LRFN5: variants seen among roughly 807,000 people sequenced by gnomAD.
LRFN5 encodes leucine-rich repeat and fibronectin type-III domain-containing protein 5.
Under a neutral mutation model 45.6 loss-of-function variants are expected in LRFN5, and 24 were observed. The observed-to-expected ratio is 0.53, with a 90% CI of 0.38 to 0.74. LRFN5 has a LOEUF of 0.74. LRFN5 is among the 30% of genes least tolerant of loss of function. The probability of loss-of-function intolerance (pLI) is 0.00; values close to 1 mark genes in which losing one functional copy is unlikely to be tolerated. For synonymous variants in LRFN5, 340 were observed against 313.8 expected, an observed-to-expected ratio of 1.08 and a Z score of -0.88; for missense variants, 776 against 861.5, an observed-to-expected ratio of 0.90 and a Z score of 1.24.
intron 2 of LRFN5, among the ~76,000 whole-genome samples, chr14:41,844,359 C>T (rs184823408): frequency 6.6e-6 from 1 of 151,530 alleles, no homozygotes; most frequent in Non-Finnish European, 1.5e-5. Flanking sequence ...ATGGCGTGAA[C>T]CCAGGAGGCA....
chr14:41,767,303 C>T (rs1360320057), intron 2 of LRFN5, among the ~76,000 whole-genome samples: 3 of 151,738 alleles, frequency 2.0e-5, no homozygotes, highest in Admixed American at 6.6e-5. Context: ...TTTATACTTA[C>T]AACCCTAAGG....
At chr14:41,824,527 C>T (rs1317791378) in intron 2 of LRFN5, among the ~76,000 whole-genome samples, 21 of 152,106 alleles carry the variant, frequency 1.4e-4, no homozygotes, top group Admixed American at 6.5e-5. Flanking sequence ...ACTGAGATTG[C>T]GGAGCTCAGG....
intron 1 of LRFN5, among the ~76,000 whole-genome samples, chr14:41,666,960 A>G (rs940830390): frequency 6.6e-6 from 1 of 152,160 alleles, no homozygotes; most frequent in African/African-American, 2.4e-5. Context: ...ATGATTATAC[A>G]ACGTTATAGA....
At chr14:41,654,699 T>TATC (rs1222965126) in intron 1 of LRFN5, among the ~76,000 whole-genome samples, 1 of 152,094 alleles carries the variant, frequency 6.6e-6, no homozygotes, top group Non-Finnish European at 1.5e-5. Context: ...AGAGATAATT[T>TATC]ATCATTAGCT....
At chr14:41,649,014 C>G (rs1879955094) in intron 1 of LRFN5, among the ~76,000 whole-genome samples, 1 of 152,016 alleles carries the variant, frequency 6.6e-6, no homozygotes, top group Admixed American at 6.6e-5. Context: ...TGCGGATCAC[C>G]TGAGGTCAGG....
In LRFN5 at chr14:41,891,604, C is replaced by T; in HGVS notation, c.1740C>T (p.Gly580=). The change falls in exon 4 of 6, where the codon GGC becomes GGT. Residue 580 remains glycine, a synonymous_variant. Transcript: ENST00000298119. ...AAACTAACGGGGCTCAAATACAAGG[C>T]TGTAGTGTAACGCTGCCCCAGTCCG... ...YSQTNGAQIQ[G]CSVTLPQSVS... The T allele has an allele frequency of 6.2e-7, 1 of 1,614,186 alleles. No homozygotes were observed. The highest frequency in any genetic ancestry group is 8.5e-7 in the Non-Finnish European group (1 of 1,180,026).
chr14:41,628,937 C>T (rs2138574699), intron 1 of LRFN5, among the ~76,000 whole-genome samples: 1 of 152,134 alleles, frequency 6.6e-6, no homozygotes. Context: ...CTGTTTATGT[C>T]GAATCTACCT....
intron 2 of LRFN5, among the ~76,000 whole-genome samples, chr14:41,808,645 A>G (rs927801015): frequency 4.6e-5 from 7 of 152,060 alleles, no homozygotes; most frequent in African/African-American, 1.7e-4. Context: ...TAGTGTACCC[A>G]ATTGTGGCCA....
At chr14:41,676,716 T>C (rs1393036033) in intron 1 of LRFN5, among the ~76,000 whole-genome samples, 1 of 152,068 alleles carries the variant, frequency 6.6e-6, no homozygotes, top group Non-Finnish European at 1.5e-5. Context: ...GACCTATAAA[T>C]ATGGGGCAAA....
chr14:41,894,234 A>G (rs75154687), intron 4 of LRFN5: 20 of 984,242 alleles, frequency 2.0e-5, no homozygotes, highest in Non-Finnish European at 2.3e-5. Context: ...CATATGTACT[A>G]TAAGTTACTG....
At chr14:41,656,146 G>A (rs1234912172) in intron 1 of LRFN5, among the ~76,000 whole-genome samples, 3 of 151,986 alleles carry the variant, frequency 2.0e-5, no homozygotes, top group Admixed American at 6.6e-5. Context: ...CACTTACTGC[G>A]TAGCTATGGG....
At chr14:41,895,798 G>A (rs1890920097) in intron 4 of LRFN5, among the ~76,000 whole-genome samples, 1 of 151,046 alleles carries the variant, frequency 6.6e-6, no homozygotes, top group African/African-American at 2.4e-5. Context: ...CTGCTTTGTA[G>A]ATATATTTTA....
intron 1 of LRFN5, among the ~76,000 whole-genome samples, chr14:41,692,939 A>T (rs1374422807): frequency 6.6e-6 from 1 of 152,032 alleles, no homozygotes; most frequent in African/African-American, 2.4e-5. Flanking sequence ...GTTAAAGTTT[A>T]CTTTTTTTTC....
Position 41,885,912 on chromosome 14 carries a change from G to A in LRFN5, c.-20-694G>A, listed in dbSNP as rs1039015801. Reference sequence around the variant, plus strand: ...GCGCCTGTAATCCTAGCTACTCAGGGAGGCCAAATGGTCATCAGTAATCGC... The same window carrying A: ...GCGCCTGTAATCCTAGCTACTCAGGAAGGCCAAATGGTCATCAGTAATCGC... On this transcript the variant is annotated intron_variant, in intron 2 of 5. Coordinates refer to ENST00000298119, the MANE Select transcript of LRFN5 (RefSeq NM_152447.5). Among the ~76,000 whole-genome samples, 4 of 150,682 alleles carry A rather than the reference G, an allele frequency of 2.7e-5. No homozygotes were observed. In the South Asian group the frequency reaches 8.4e-4, roughly 31 times the overall value.
At chr14:41,888,379 A>G (rs528433573) in intron 3 of LRFN5, among the ~76,000 whole-genome samples, 2 of 152,254 alleles carry the variant, frequency 1.3e-5, no homozygotes, top group East Asian at 3.9e-4. Context: ...CATTATCCCA[A>G]TGATGCTGCC....
intron 1 of LRFN5, among the ~76,000 whole-genome samples, chr14:41,660,443 G>T (rs945765920): frequency 1.3e-5 from 2 of 152,052 alleles, no homozygotes; most frequent in Non-Finnish European, 2.9e-5. Context: ...TTGTATCCTG[G>T]TCTACAAACC....
chr14:41,615,687 G>T (rs919064206), intron 1 of LRFN5, among the ~76,000 whole-genome samples: 4 of 151,992 alleles, frequency 2.6e-5, no homozygotes, highest in African/African-American at 9.7e-5. Context: ...CTCTCCAGCC[G>T]GCACTCATTT....
At chr14:41,743,174 C>T (rs1884779064) in intron 1 of LRFN5, among the ~76,000 whole-genome samples, 1 of 152,130 alleles carries the variant, frequency 6.6e-6, no homozygotes, top group Non-Finnish European at 1.5e-5. Context: ...ATTTTGATTT[C>T]ATTGAAACAT....
chr14:41,672,578 A>G (rs866228016), intron 1 of LRFN5, among the ~76,000 whole-genome samples: 7 of 152,300 alleles, frequency 4.6e-5, no homozygotes, highest in Middle Eastern at 3.4e-3. Context: ...TAAAGTAACA[A>G]ATTTCTTATG....
Sources: allele counts gnomAD v4.1 joint callset (sites outside exome capture counted in the v4.1 genomes callset), GRCh38; gene constraint gnomAD v4.1.1; transcripts MANE v1.5; gene names NCBI Gene and HGNC (gene_info 2026-07-23, HGNC 2026-07-21).